Variants in KCTD16 observed in about 807,000 individuals in gnomAD.
KCTD16 encodes the protein BTB/POZ domain-containing protein KCTD16.
KCTD16 carries 13 observed loss-of-function variants against 33.2 expected under a neutral mutation model. That is an observed-to-expected ratio of 0.39 (90% CI 0.25 to 0.62). The LOEUF is 0.62. Ranked by LOEUF, KCTD16 falls within the 20% of genes least tolerant of loss-of-function variation. The pLI, the probability that KCTD16 is intolerant of heterozygous loss-of-function variation, is 0.50. For synonymous variants in KCTD16, 197 were observed against 195.3 expected, an observed-to-expected ratio of 1.01 and a Z score of -0.07; for missense variants, 441 against 525.1, an observed-to-expected ratio of 0.84 and a Z score of 1.57.
chr5:144,377,865 A>C (rs914540167), intron 3 of KCTD16: 1 of 152,114 alleles, frequency 6.6e-6, no homozygotes, highest in African/African-American at 2.4e-5. Context: ...ATTTTGTGCA[A>C]TTAGGTAGGT....
chr5:144,366,970 G>A (rs567433347), intron 3 of KCTD16, among the ~76,000 whole-genome samples: 8 of 152,296 alleles, frequency 5.3e-5, no homozygotes, highest in Admixed American at 2.0e-4. Context: ...GCTGGCTCAT[G>A]GCCTCTGCCT....
intron 3 of KCTD16, among the ~76,000 whole-genome samples, chr5:144,459,027 G>A (rs10045097): frequency 0.47 from 71,868 of 151,982 alleles, 17,728 homozygotes; most frequent in East Asian, 0.67. Flanking sequence ...CAATCAAGTA[G>A]CCCCAGCAGG....
In KCTD16 at chr5:144,438,048, A is replaced by T. The variant is rs966433340; in HGVS notation, c.833-35612A>T. ...TAAAGTAATAATTTTTAAAATATTG[A>T]TTACGTGTGAAATGATTTTATGTAT... On this transcript the variant is annotated intron_variant, in intron 3 of 3. Transcript: ENST00000512467. Among the ~76,000 whole-genome samples, 4 of 152,210 alleles carry T rather than the reference A, an allele frequency of 2.6e-5. No homozygotes were observed. The East Asian group carries it at 7.7e-4, about 29-fold the overall frequency.
chr5:144,183,407 G>A (rs1752665541), intron 2 of KCTD16, among the ~76,000 whole-genome samples: 1 of 152,022 alleles, frequency 6.6e-6, no homozygotes, highest in African/African-American at 2.4e-5. Context: ...TTTTAATGAT[G>A]CATAAAGGAT....
chr5:144,350,512 A>G (rs907340934), intron 3 of KCTD16, among the ~76,000 whole-genome samples: 1 of 152,172 alleles, frequency 6.6e-6, no homozygotes, highest in African/African-American at 2.4e-5. Flanking sequence ...TCCCTGGTAA[A>G]TAGCAGAGTT....
In KCTD16 at chr5:144,207,305, G is replaced by A. The variant is rs760621216; in HGVS notation, c.591G>A (p.Arg197=). 5.0e-6 allele frequency: 8 copies of A among 1,614,186 alleles called. No individual in the cohort carries two copies. In the East Asian group the frequency reaches 6.7e-5, roughly 13 times the overall value. Residue 197 remains arginine, a synonymous_variant, in exon 3 of 4, where the codon AGG becomes AGA. Transcript: ENST00000512467. ...TTCCCCGGATTTTGGTTTGTGGAAG[G>A]ATTTCCTTGGCAAAAGAAGTCTTTG... ...RRVPRILVCG[R]ISLAKEVFGE...
intron 3 of KCTD16, among the ~76,000 whole-genome samples, chr5:144,258,055 T>C (rs535144053): frequency 6.6e-6 from 1 of 152,358 alleles, no homozygotes; most frequent in African/African-American, 2.4e-5. Context: ...TTTAAGACTA[T>C]TTATTGTTGT....
chr5:144,360,244 T>A (rs1751676457), intron 3 of KCTD16, among the ~76,000 whole-genome samples: 1 of 152,046 alleles, frequency 6.6e-6, no homozygotes, highest in Non-Finnish European at 1.5e-5. Context: ...ATGCTATCCC[T>A]CCCCTAGCCT....
chr5:144,215,026 CTT>C (rs1285861365), intron 3 of KCTD16, among the ~76,000 whole-genome samples: 1 of 152,124 alleles, frequency 6.6e-6, no homozygotes, highest in East Asian at 1.9e-4. Context: ...TGTATTGTCT[CTT>C]AATAGAAGAA....
rs186487052 is a variant in KCTD16, at chr5:144,329,090, C to T, written c.832+121544C>T. 5.3e-5 allele frequency among the ~76,000 whole-genome samples: 8 copies of T among 152,232 alleles called. No individual in the cohort carries two copies. In the East Asian group the frequency reaches 1.5e-3, roughly 29 times the overall value. ...AACTTATTTGAAATATTGTTTGCAT[C>T]CCACAATGTTGACACCCTTGGGAGG... On this transcript the variant is annotated intron_variant, in intron 3 of 3. Transcript: ENST00000512467.
intron 3 of KCTD16, among the ~76,000 whole-genome samples, chr5:144,344,027 C>G (rs536174594): frequency 6.6e-6 from 1 of 152,058 alleles, no homozygotes; most frequent in Non-Finnish European, 1.5e-5. Flanking sequence ...ATCAATGGAA[C>G]AGAACAGAGC....
rs1025866428 is a variant in KCTD16 at position 144,483,356 on chromosome 5, C to T, written c.*9242C>T. 4 of 151,686 alleles carry T rather than the reference C, an allele frequency of 2.6e-5. No homozygotes were observed. Among genetic ancestry groups the T allele is most frequent in the East Asian group, 1.9e-4 (1 of 5,156 alleles). 9.4% of individuals were successfully genotyped at this position (151,686 alleles called of 1,614,324 possible). A position where few individuals can be genotyped will look rare whatever the true frequency, so the allele number is the denominator to read the frequency against. On this transcript the variant is annotated 3_prime_UTR_variant, in exon 4 of 4. Coordinates refer to ENST00000512467, the MANE Select transcript of KCTD16 (RefSeq NM_020768.4). ...GTTCCTGTGTCCCTACATGATTTAT[C>T]GGTGGAGCTAATTATCTATTTATTT...
intron 3 of KCTD16, among the ~76,000 whole-genome samples, chr5:144,460,720 T>C (rs1011677882): frequency 1.3e-5 from 2 of 152,220 alleles, no homozygotes; most frequent in Non-Finnish European, 2.9e-5. Flanking sequence ...ATTACAGGCA[T>C]GAGTCATTGC....
At chr5:144,370,729 A>C (rs538089761) in intron 3 of KCTD16, among the ~76,000 whole-genome samples, 130 of 152,288 alleles carry the variant, frequency 8.5e-4, no homozygotes, top group African/African-American at 3.0e-3. Context: ...TTTATGCAGC[A>C]ATAAGGATCT....
intron 3 of KCTD16, among the ~76,000 whole-genome samples, chr5:144,246,138 T>C (rs1291466234): frequency 6.6e-6 from 1 of 152,020 alleles, no homozygotes; most frequent in East Asian, 1.9e-4. Flanking sequence ...GGGCAGAGAG[T>C]TGGTCTTCAT....
At chr5:144,468,781 T>C (rs1029542196) in intron 3 of KCTD16, among the ~76,000 whole-genome samples, 2 of 152,158 alleles carry the variant, frequency 1.3e-5, no homozygotes, top group African/African-American at 2.4e-5. Flanking sequence ...TTGCAGTAAA[T>C]GATGTGCATT....
intron 3 of KCTD16, among the ~76,000 whole-genome samples, chr5:144,352,527 T>C (rs1230297148): frequency 1.3e-5 from 2 of 152,192 alleles, no homozygotes; most frequent in African/African-American, 4.8e-5. Context: ...CATTCCAGCT[T>C]GTCTGCCCTG....
intron 3 of KCTD16, among the ~76,000 whole-genome samples, chr5:144,432,849 T>C (rs1448652677): frequency 6.6e-6 from 1 of 152,180 alleles, no homozygotes; most frequent in East Asian, 1.9e-4. Flanking sequence ...TCTATATGTA[T>C]GCATACACAC....
At chr5:144,309,489 G>T (rs1453152980) in intron 3 of KCTD16, among the ~76,000 whole-genome samples, 3 of 152,066 alleles carry the variant, frequency 2.0e-5, no homozygotes, top group Non-Finnish European at 4.4e-5. Flanking sequence ...GTCTTCATTG[G>T]TTGTTAATAT....
Sources: gnomAD v4.1 joint callset for allele counts (sites outside exome capture counted in the v4.1 genomes callset) on GRCh38, gnomAD v4.1.1 for gene constraint, MANE v1.5 for transcripts, NCBI Gene and HGNC (gene_info 2026-07-23, HGNC 2026-07-21) for gene names.